The following SBF2 variants were observed in gnomAD, a reference collection of about 807,000 sequenced individuals.
SBF2 encodes the protein SET binding factor 2.
In SBF2, 112 loss-of-function variants were observed where a neutral mutation model predicts 225.2. That is an observed-to-expected ratio of 0.50 (90% confidence interval 0.43 to 0.58). The LOEUF (loss-of-function observed/expected upper bound fraction) is 0.58, where lower values mean the gene tolerates loss of function less well. Among genes scored for constraint, SBF2 ranks in the 20% least tolerant of loss-of-function variants. SBF2 has a pLI of 0.00. For synonymous variants in SBF2, 763 were observed against 773.3 expected, an observed-to-expected ratio of 0.99 and a Z score of 0.22; for missense variants, 1,996 against 2,206.2, an observed-to-expected ratio of 0.90 and a Z score of 1.91.
At position 9,790,588 on chromosome 11, in the gene SBF2, A is replaced by G. The variant is rs189911105; in HGVS notation, c.4666T>C (p.Phe1556Leu). Residue 1556 changes from phenylalanine (F) to leucine (L), a missense_variant, in exon 34 of 40, where the codon TTT becomes CTT. Transcript: ENST00000256190. ...DRMHKRSPIFFNYLYSPLEIE... is the reference protein window; with the variant it reads ...DRMHKRSPIFLNYLYSPLEIE... Reference sequence around the variant, plus strand: ...TCCAATGGTGAATATAAATAATTAAAGAAAATGGGACTCCTCTTGTGCATT... The same window carrying G: ...TCCAATGGTGAATATAAATAATTAAGGAAAATGGGACTCCTCTTGTGCATT... The G allele has an allele frequency of 1.6e-5, 25 of 1,585,944 alleles. No individual in the cohort carries two copies. Among genetic ancestry groups the G allele is most frequent in the Non-Finnish European group, 2.1e-5 (24 of 1,156,684 alleles).
intron 1 of SBF2, among the ~76,000 whole-genome samples, chr11:10,281,135 AAAAT>A (rs759672646): frequency 2.0e-5 from 3 of 152,304 alleles, no homozygotes. Context: ...CTTTCATGTC[AAAAT>A]AAATAAATAA....
At chr11:10,261,516 A>T (rs565785062) in intron 1 of SBF2, among the ~76,000 whole-genome samples, 15 of 152,174 alleles carry the variant, frequency 9.9e-5, no homozygotes, top group African/African-American at 2.9e-4. Flanking sequence ...TGCAATTCTC[A>T]TACATTGTCG....
At chr11:9,964,870 T>C (rs575813179) in intron 14 of SBF2, among the ~76,000 whole-genome samples, 2 of 152,312 alleles carry the variant, frequency 1.3e-5, no homozygotes, top group East Asian at 1.9e-4. Flanking sequence ...GTAGTATCAA[T>C]AGTTTTTTTT....
chr11:10,230,952 A>C (rs1292162334), intron 1 of SBF2, among the ~76,000 whole-genome samples: 2 of 152,306 alleles, frequency 1.3e-5, no homozygotes, highest in East Asian at 3.9e-4. Context: ...TACACCAATC[A>C]GACATAGATT....
chr11:9,790,443 T>C (rs902634038), intron 34 of SBF2, 113 bp downstream of exon 34: 1 of 885,580 alleles, frequency 1.1e-6, no homozygotes, highest in Non-Finnish European at 1.7e-6. Flanking sequence ...CTTTTTGGTA[T>C]GAAACCTAGT....
At chr11:10,122,865 T>C (rs1323854742) in intron 2 of SBF2, among the ~76,000 whole-genome samples, 1 of 152,220 alleles carries the variant, frequency 6.6e-6, no homozygotes, top group Admixed American at 6.5e-5. Context: ...ATTGAAACTC[T>C]ATAGAATAGC....
chr11:10,079,457 G>A (rs557216185), intron 2 of SBF2, among the ~76,000 whole-genome samples: 1 of 152,182 alleles, frequency 6.6e-6, no homozygotes, highest in African/African-American at 2.4e-5. Flanking sequence ...TAATACAGTT[G>A]AAAGTTCTGA....
At chr11:9,981,007 G>A (rs1946933232) in intron 13 of SBF2, among the ~76,000 whole-genome samples, 1 of 152,216 alleles carries the variant, frequency 6.6e-6, no homozygotes, top group Admixed American at 6.5e-5. Flanking sequence ...CATTCTAAAT[G>A]TAGAACTTAA....
intron 1 of SBF2, among the ~76,000 whole-genome samples, chr11:10,232,720 T>G (rs1189298052): frequency 6.6e-6 from 1 of 152,092 alleles, no homozygotes; most frequent in African/African-American, 2.4e-5. Context: ...CACACAATTG[T>G]GACCAGTTTA....
intron 13 of SBF2, among the ~76,000 whole-genome samples, chr11:9,975,181 T>TGA (rs1946630169): frequency 6.6e-6 from 1 of 152,018 alleles, no homozygotes; most frequent in African/African-American, 2.4e-5. Context: ...ACAAGAGAAA[T>TGA]GAAAACTTAT....
chr11:9,839,103 A>G, intron 26 of SBF2: 1 of 294,886 alleles, frequency 3.4e-6, no homozygotes. Flanking sequence ...TATGGCTCAT[A>G]AACTGAAAAT....
At chr11:9,780,851 G>T (rs1372469021) in intron 39 of SBF2, 5 of 351,552 alleles carry the variant, frequency 1.4e-5, no homozygotes, top group Non-Finnish European at 2.2e-5. Context: ...ATGCACTGAA[G>T]GTGAGGGAGC....
chr11:10,027,525 A>T (rs946101135), intron 6 of SBF2, among the ~76,000 whole-genome samples: 3 of 152,178 alleles, frequency 2.0e-5, no homozygotes, highest in Non-Finnish European at 4.4e-5. Flanking sequence ...AATTCCATGA[A>T]GAGGCAGGGT....
chr11:9,908,831 T>G (rs1305436710), intron 16 of SBF2, among the ~76,000 whole-genome samples: 1 of 149,858 alleles, frequency 6.7e-6, no homozygotes. Context: ...ACTACAGGCA[T>G]GTGCCACTGC....
intron 33 of SBF2, 121 bp downstream of exon 33, chr11:9,795,710 T>G (rs532095732): frequency 8.9e-6 from 11 of 1,231,642 alleles, no homozygotes; most frequent in Non-Finnish European, 1.2e-5. Context: ...TCTACATTCA[T>G]AGTTCAGAGT....
At chr11:9,933,353 T>G (rs188805343) in intron 16 of SBF2, among the ~76,000 whole-genome samples, 41 of 152,288 alleles carry the variant, frequency 2.7e-4, no homozygotes, top group African/African-American at 8.9e-4. Context: ...CAACAGAATA[T>G]ACATTCTTCT....
intron 2 of SBF2, among the ~76,000 whole-genome samples, chr11:10,185,805 G>A (rs1038082046): frequency 1.1e-4 from 17 of 151,910 alleles, no homozygotes; most frequent in Admixed American, 2.0e-4. Context: ...CTAATTCAAC[G>A]AGTCCCCATA....
chr11:9,809,069 G>T, intron 30 of SBF2, 67 bp from the exon 31 acceptor site: 2 of 1,220,210 alleles, frequency 1.6e-6, no homozygotes, highest in Non-Finnish European at 2.4e-6. Flanking sequence ...AGAGAGAGTT[G>T]CTTTCAACCC....
chr11:9,959,879 T>C, intron 16 of SBF2: 1 of 437,730 alleles, frequency 2.3e-6, no homozygotes, highest in Non-Finnish European at 4.4e-6. Context: ...CACTGTGCGC[T>C]CAGAAACTCT....
Sources: allele counts gnomAD v4.1 joint callset (sites outside exome capture counted in the v4.1 genomes callset), GRCh38; gene constraint gnomAD v4.1.1; transcripts MANE v1.5; gene names NCBI Gene and HGNC (gene_info 2026-07-23, HGNC 2026-07-21).